SNX4: variants seen among roughly 807,000 people sequenced by gnomAD.
SNX4 encodes the protein sorting nexin-4.
In SNX4, 49 loss-of-function variants were observed where a neutral mutation model predicts 70.8. The ratio of observed to expected loss-of-function variants is 0.69; its 90% CI spans 0.55 to 0.88. SNX4 has a LOEUF of 0.88. SNX4 is among the 40% of genes least tolerant of loss of function. SNX4 has a pLI of 0.00. For synonymous variants in SNX4, 206 were observed against 183.8 expected, an observed-to-expected ratio of 1.12 and a Z score of -0.98; for missense variants, 528 against 544.8, an observed-to-expected ratio of 0.97 and a Z score of 0.31.
At chr3:125,462,593 CAAAAAA>C (rs34157775) in intron 9 of SNX4, among the ~76,000 whole-genome samples, 47 of 48,260 alleles carry the variant, frequency 9.7e-4, no homozygotes, top group African/African-American at 3.3e-3. Flanking sequence ...TCTGTCTCAC[CAAAAAA>C]AAAAAAAAAA....
At chr3:125,510,556 T>C (rs1416804523) in intron 1 of SNX4, among the ~76,000 whole-genome samples, 12 of 152,158 alleles carry the variant, frequency 7.9e-5, no homozygotes, top group South Asian at 2.1e-4. Flanking sequence ...GTGATATATA[T>C]ACAAACAATG....
rs371774490 is a variant in SNX4, at chr3:125,520,176, T to C, written c.-4A>G. On this transcript the variant is annotated 5_prime_UTR_variant, in exon 1 of 14. Transcript: ENST00000251775. ...GGTCCGGAGGTGCCTGCTCCATGGC[T>C]GCAGTTCGGCGCGGCGAACCCAGTG... The C allele has an allele frequency of 1.1e-3, 1,429 of 1,341,618 alleles. No homozygotes were observed. The highest frequency in any genetic ancestry group is 1.2e-3 in the Non-Finnish European group (1,239 of 1,048,338). The allele number at this position is 1,341,618 out of a possible 1,614,324, so 83.1% of individuals were successfully genotyped here.
At chr3:125,472,306 T>C (rs1934195539) in intron 8 of SNX4, among the ~76,000 whole-genome samples, 1 of 152,142 alleles carries the variant, frequency 6.6e-6, no homozygotes, top group East Asian at 1.9e-4. Flanking sequence ...AACTTTTGAA[T>C]TTTTTCATTA....
rs72977755 is a variant in SNX4, at chr3:125,486,424, T to C, written c.653+2984A>G. 7.2e-3 allele frequency among the ~76,000 whole-genome samples: 1,094 copies of C among 152,242 alleles called. 7 individuals are homozygous for C. The highest frequency in any genetic ancestry group is 0.021 in the African/African-American group (890 of 41,542). On this transcript the variant is annotated intron_variant, in intron 6 of 13. Coordinates refer to ENST00000251775, the MANE Select transcript of SNX4 (RefSeq NM_003794.4). The stretch of plus-strand genomic sequence containing the variant: ...ATTAGATGAAACTTCTACTATGCAA[T>C]GTAGCACAGTACATGAGTGGTTAGT...
intron 2 of SNX4, 47 bp downstream of exon 2, chr3:125,504,576 G>T (rs768989726): frequency 2.5e-6 from 4 of 1,575,344 alleles, no homozygotes; most frequent in South Asian, 1.2e-5. Context: ...ATAGCTATCA[G>T]AAAAAGCTTT....
At chr3:125,454,029 T>A (rs1933647902) in intron 11 of SNX4, 74 bp from the exon 12 acceptor site, 1 of 1,305,138 alleles carries the variant, frequency 7.7e-7, no homozygotes, top group South Asian at 1.3e-5. Flanking sequence ...GGAACATTAT[T>A]CAGCCTTTAA....
intron 12 of SNX4, among the ~76,000 whole-genome samples, chr3:125,453,496 T>TTTTA (rs10543977): frequency 0.019 from 2,296 of 121,726 alleles, 18 homozygotes; most frequent in Admixed American, 0.029. Flanking sequence ...TTTCTTTTAT[T>TTTTA]TTTATTTATT....
intron 10 of SNX4, among the ~76,000 whole-genome samples, chr3:125,459,919 G>GT (rs1372169285): frequency 2.0e-5 from 3 of 152,004 alleles, no homozygotes; most frequent in Non-Finnish European, 2.9e-5. Context: ...CGACAGGACA[G>GT]TGTTGGCTCA....
At chr3:125,488,300 AC>A (rs1046354169) in intron 6 of SNX4, among the ~76,000 whole-genome samples, 4 of 151,570 alleles carry the variant, frequency 2.6e-5, no homozygotes, top group African/African-American at 9.7e-5. Flanking sequence ...ACACGGCAAA[AC>A]CCCATCTCTA....
At chr3:125,480,366 C>T in intron 6 of SNX4, 47 bp from the exon 7 acceptor site, 1 of 1,254,552 alleles carries the variant, frequency 8.0e-7, no homozygotes, top group Non-Finnish European at 1.1e-6. Context: ...TGAAAACAAG[C>T]AGTCAAAAAC....
intron 5 of SNX4, among the ~76,000 whole-genome samples, chr3:125,493,863 C>T (rs1934719795): frequency 6.6e-6 from 1 of 151,260 alleles, no homozygotes; most frequent in South Asian, 2.1e-4. Context: ...AACCCCGTCT[C>T]TACTAAAAAA....
intron 6 of SNX4, 36 bp from the exon 7 acceptor site, chr3:125,480,355 A>C: frequency 7.3e-7 from 1 of 1,375,418 alleles, no homozygotes; most frequent in Non-Finnish European, 9.8e-7. Flanking sequence ...CGTTTTTCAA[A>C]TGAAAACAAG....
chr3:125,449,622 T>G (rs1027239136), intron 13 of SNX4, among the ~76,000 whole-genome samples: 1 of 152,152 alleles, frequency 6.6e-6, no homozygotes, highest in African/African-American at 2.4e-5. Context: ...GAACATAAAC[T>G]CTTATTAAAC....
intron 1 of SNX4, among the ~76,000 whole-genome samples, chr3:125,514,445 G>A (rs1935233019): frequency 6.7e-6 from 1 of 148,176 alleles, no homozygotes; most frequent in Non-Finnish European, 1.5e-5. Flanking sequence ...AGGGTGGAGT[G>A]CAGTGGCATG....
intron 5 of SNX4, among the ~76,000 whole-genome samples, chr3:125,493,899 T>C (rs550120928): frequency 6.6e-6 from 1 of 151,594 alleles, no homozygotes; most frequent in Non-Finnish European, 1.5e-5. Flanking sequence ...TAGTCAGGCA[T>C]GGTGGTGAGC....
chr3:125,517,698 G>A (rs1935311969), intron 1 of SNX4, among the ~76,000 whole-genome samples: 1 of 152,208 alleles, frequency 6.6e-6, no homozygotes, highest in South Asian at 2.1e-4. Context: ...CACATAGGCC[G>A]AGGGCAGTGG....
rs534610795 is a variant in SNX4, at chr3:125,457,132, A to G, written c.1044+134T>C. Reference sequence around the variant, plus strand: ...AGTTACTCACAAATTATTCCCCTGTAAAAGGTTCAGCCGTCCTGAGTATTG... The same window carrying G: ...AGTTACTCACAAATTATTCCCCTGTGAAAGGTTCAGCCGTCCTGAGTATTG... On this transcript the variant is annotated intron_variant, in intron 11 of 13. Transcript: ENST00000251775. The G allele has an allele frequency of 4.8e-5, 31 of 649,398 alleles. No homozygotes were observed. The East Asian group carries it at 7.9e-4, about 17-fold the overall frequency. 40.2% of individuals were successfully genotyped at this position (649,398 alleles called of 1,614,324 possible). A position where few individuals can be genotyped will look rare whatever the true frequency, so the allele number is the denominator to read the frequency against.
intron 9 of SNX4, among the ~76,000 whole-genome samples, chr3:125,463,834 A>G (rs1219896285): frequency 6.6e-6 from 1 of 152,180 alleles, no homozygotes; most frequent in Non-Finnish European, 1.5e-5. Context: ...TTTTTGAATC[A>G]CAGGAGTTCT....
chr3:125,516,562 CGGGCACAGCGGCTCACGCCT>C (rs1430332882), intron 1 of SNX4, among the ~76,000 whole-genome samples: 4 of 152,124 alleles, frequency 2.6e-5, no homozygotes, highest in African/African-American at 9.7e-5. Context: ...AAGGCTGGGC[CGGGCACAGCGGCTCACGCCT>C]GTAATCCCAG....
Sources: allele counts gnomAD v4.1 joint callset (sites outside exome capture counted in the v4.1 genomes callset), GRCh38; gene constraint gnomAD v4.1.1; transcripts MANE v1.5; gene names NCBI Gene and HGNC (gene_info 2026-07-23, HGNC 2026-07-21).